DHCR24: variants seen among roughly 807,000 people sequenced by gnomAD.
DHCR24 encodes 24-dehydrocholesterol reductase.
In DHCR24, 28 loss-of-function variants were observed where a neutral mutation model predicts 61.2. The ratio of observed to expected loss-of-function variants is 0.46; its 90% CI spans 0.34 to 0.63. DHCR24 has a LOEUF of 0.63. Among genes scored for constraint, DHCR24 ranks in the 20% least tolerant of loss-of-function variants. DHCR24 has a pLI of 0.01. For missense variants in DHCR24, 538 were observed against 679.1 expected, an observed-to-expected ratio of 0.79 and a Z score of 2.31; for synonymous variants, 261 against 275.9, an observed-to-expected ratio of 0.95 and a Z score of 0.54.
At chr1:54,867,772 ACTGT>A (rs1175923636) in intron 5 of DHCR24, among the ~76,000 whole-genome samples, 1 of 152,194 alleles carries the variant, frequency 6.6e-6, no homozygotes, top group East Asian at 1.9e-4. Context: ...GGTGACACAC[ACTGT>A]CTGAGCTTTG....
chr1:54,867,854 C>G (rs1646975701), intron 5 of DHCR24, among the ~76,000 whole-genome samples: 1 of 152,214 alleles, frequency 6.6e-6, no homozygotes, highest in Non-Finnish European at 1.5e-5. Flanking sequence ...ATTGCCACCG[C>G]TGTTCCAGGA....
intron 2 of DHCR24, among the ~76,000 whole-genome samples, chr1:54,876,856 C>T (rs879114085): frequency 4.6e-5 from 7 of 151,800 alleles, no homozygotes; most frequent in Admixed American, 4.6e-4. Context: ...AGCCTCAGTA[C>T]GTCCTGACAA....
Position 54,856,647 on chromosome 1 carries a change from T to G in DHCR24, c.1021-2413A>C, listed in dbSNP as rs1371613835. Among the ~76,000 whole-genome samples the G allele has an allele frequency of 4.6e-5, 7 of 152,312 alleles. No homozygotes were observed. In the South Asian group the frequency reaches 1.0e-3, roughly 23 times the overall value. ...TTGACCCCTGCTCGATTACAGCAGA[T>G]GTGTCATAATTTATTTAATCACTTC... On this transcript the variant is annotated intron_variant, in intron 6 of 8. Coordinates refer to ENST00000371269, the MANE Select transcript of DHCR24 (RefSeq NM_014762.4).
chr1:54,871,117 C>T (rs578110480), intron 5 of DHCR24, among the ~76,000 whole-genome samples: 2 of 152,214 alleles, frequency 1.3e-5, no homozygotes, highest in Non-Finnish European at 2.9e-5. Context: ...AGATTACATC[C>T]ACTAAGAGAC....
Position 54,887,114 on chromosome 1 carries a change from C to T in DHCR24, c.6G>A (p.Glu2=), listed in dbSNP as rs781461171. 3 of 1,579,874 alleles carry T rather than the reference C, an allele frequency of 1.9e-6. No individual in the cohort carries two copies. Among genetic ancestry groups the T allele is most frequent in the Non-Finnish European group, 2.6e-6 (3 of 1,163,750 alleles). ...CGCACACGGCCAGCGACACGGCGGGCTCCATGGTGCGGCGCCGCGCGGTAA... is the reference window on the plus strand; with the variant it reads ...CGCACACGGCCAGCGACACGGCGGGTTCCATGGTGCGGCGCCGCGCGGTAA... M[E]PAVSLAVCAL... Residue 2 remains glutamate, a synonymous_variant, in exon 1 of 9, where the codon GAG becomes GAA. Transcript: ENST00000371269.
intron 6 of DHCR24, among the ~76,000 whole-genome samples, chr1:54,857,854 G>A (rs1236139039): frequency 6.6e-6 from 1 of 152,178 alleles, no homozygotes; most frequent in African/African-American, 2.4e-5. Context: ...TGACCAAGCT[G>A]GGGGAAGGGA....
Position 54,886,974 on chromosome 1 carries a change from T to G in DHCR24, c.146A>C (p.Tyr49Ser). The change falls in exon 1 of 9, where the codon TAC becomes TCC. Residue 49 changes from tyrosine (Y) to serine (S), a missense_variant. By Grantham distance (144) the Tyr-to-Ser change is moderately radical (BLOSUM62 -2). Transcript: ENST00000371269. The part of the protein sequence containing the change: ...LLPLSLIFDI[Y>S]YYVRAWVVFK... ...CACCACCCAGGCGCGCACGTAGTAG[T>G]AGATATCGAAGATAAGCGAGAGCGG... 6.2e-7 allele frequency: 1 copy of G among 1,613,628 alleles called. No homozygotes were observed. The highest frequency in any genetic ancestry group is 8.5e-7 in the Non-Finnish European group (1 of 1,179,710).
At position 54,875,087 on chromosome 1, in the gene DHCR24, A is replaced by G; in HGVS notation, c.612+6T>C. ...TGGCATGGACATCTCCCATTGCTGAACTCACCGGAGTGCATCGCACAAAGC... is the reference window on the plus strand; with the variant it reads ...TGGCATGGACATCTCCCATTGCTGAGCTCACCGGAGTGCATCGCACAAAGC... On this transcript the variant is annotated splice_donor_region_variant and intron_variant, in intron 4 of 8. Coordinates refer to ENST00000371269, the MANE Select transcript of DHCR24 (RefSeq NM_014762.4). 6.2e-7 allele frequency: 1 copy of G among 1,613,212 alleles called. No individual in the cohort carries two copies. The highest frequency in any genetic ancestry group is 8.5e-7 in the Non-Finnish European group (1 of 1,179,254).
At chr1:54,865,528 G>C in intron 5 of DHCR24, 82 bp from the exon 6 acceptor site, 3 of 1,575,278 alleles carry the variant, frequency 1.9e-6, no homozygotes, top group African/African-American at 1.3e-5. Context: ...CCCGGCTTCT[G>C]TTCAGCACTC....
At chr1:54,876,156 G>A in intron 2 of DHCR24, 109 bp from the exon 3 acceptor site, 1 of 808,306 alleles carries the variant, frequency 1.2e-6, no homozygotes, top group Non-Finnish European at 2.2e-6. Context: ...ACTCACTGCA[G>A]GGATTCCTAT....
At chr1:54,877,395 G>T (rs1438783271) in intron 2 of DHCR24, among the ~76,000 whole-genome samples, 1 of 151,116 alleles carries the variant, frequency 6.6e-6, no homozygotes, top group Non-Finnish European at 1.5e-5. Context: ...GGAATAACAG[G>T]AACCACATTT....
intron 5 of DHCR24, among the ~76,000 whole-genome samples, chr1:54,869,201 A>G (rs568644108): frequency 1.3e-5 from 2 of 152,358 alleles, no homozygotes; most frequent in African/African-American, 4.8e-5. Context: ...AAAACGAGAT[A>G]CTATTTTTAA....
intron 7 of DHCR24, 44 bp downstream of exon 7, chr1:54,853,993 A>G (rs1407828988): frequency 6.4e-7 from 1 of 1,563,360 alleles, no homozygotes; most frequent in Admixed American, 1.8e-5. Flanking sequence ...CATGGATTCC[A>G]AGGGAATGCA....
At position 54,851,039 on chromosome 1, in the gene DHCR24, A is replaced by C. The variant is rs1359600510; in HGVS notation, c.*1194T>G. Reference sequence around the variant, plus strand: ...TAAGATAGAGTTGCATAAACAACCAAGCTTTGCGTTATAACAAGCCAGGGA... The same window carrying C: ...TAAGATAGAGTTGCATAAACAACCACGCTTTGCGTTATAACAAGCCAGGGA... On this transcript the variant is annotated 3_prime_UTR_variant, in exon 9 of 9. Transcript: ENST00000371269. The C allele has an allele frequency of 1.3e-5, 2 of 152,644 alleles. No homozygotes were observed. The highest frequency in any genetic ancestry group is 4.8e-5 in the African/African-American group (2 of 41,458). 9.5% of individuals were successfully genotyped at this position (152,644 alleles called of 1,614,324 possible).
In DHCR24 at chr1:54,871,567, G is replaced by A. The variant is rs1647000251; in HGVS notation, c.659C>T (p.Thr220Met). 1.2e-6 allele frequency: 2 copies of A among 1,614,170 alleles called. No individual in the cohort carries two copies. Among genetic ancestry groups the A allele is most frequent in the Non-Finnish European group, 1.7e-6 (2 of 1,180,034 alleles). ...CTCAGCGGCCACCAGGAAACCCAGC[G>A]TCCCACAGGACCAGGGTACGGCATA... ...LFYAVPWSCG[T>M]LGFLVAAEIR... The change falls in exon 5 of 9, where the codon ACG becomes ATG. Residue 220 changes from threonine to methionine, a missense_variant. By Grantham distance (81) the Thr-to-Met change is moderately conservative. Coordinates refer to ENST00000371269, the MANE Select transcript of DHCR24 (RefSeq NM_014762.4).
chr1:54,884,162 A>C (rs1557441104), intron 1 of DHCR24, among the ~76,000 whole-genome samples: 1 of 152,240 alleles, frequency 6.6e-6, no homozygotes, highest in Non-Finnish European at 1.5e-5. Context: ...AATTCCTACA[A>C]CAGTCCCAGG....
intron 4 of DHCR24, among the ~76,000 whole-genome samples, chr1:54,872,819 G>C (rs1346276988): frequency 6.6e-6 from 1 of 152,200 alleles, no homozygotes; most frequent in African/African-American, 2.4e-5. Flanking sequence ...CAGGAAAGCA[G>C]GATGAATTGA....
In DHCR24 at chr1:54,854,021, G is replaced by A. The variant is rs1485407425; in HGVS notation, c.1218+16C>T. On this transcript the variant is annotated intron_variant, in intron 7 of 8. Transcript: ENST00000371269. Reference sequence around the variant, plus strand: ...GGAATGCACCTGGTGCGCCCTCCCTGCCCTGCCCCACTCACGTGGATGTCG... The same window carrying A: ...GGAATGCACCTGGTGCGCCCTCCCTACCCTGCCCCACTCACGTGGATGTCG... The A allele has an allele frequency of 6.2e-7, 1 of 1,607,524 alleles. No individual in the cohort carries two copies. The highest frequency in any genetic ancestry group is 2.2e-5 in the East Asian group (1 of 44,704).
chr1:54,854,765 C>A (rs1014619332), intron 6 of DHCR24, among the ~76,000 whole-genome samples: 1 of 152,174 alleles, frequency 6.6e-6, no homozygotes, highest in Admixed American at 6.5e-5. Flanking sequence ...CGACAAGGAG[C>A]CCACTGGTTT....
Sources: allele counts gnomAD v4.1 joint callset (sites outside exome capture counted in the v4.1 genomes callset), GRCh38; gene constraint gnomAD v4.1.1; transcripts MANE v1.5; gene names NCBI Gene and HGNC (gene_info 2026-07-23, HGNC 2026-07-21).